Variants in LZTS1 observed in about 807,000 individuals in gnomAD.
LZTS1 encodes leucine zipper tumor suppressor 1.
LZTS1 carries 31 observed loss-of-function variants against 45.8 expected under a neutral mutation model. The observed-to-expected ratio is 0.68, with a 90% CI of 0.51 to 0.91. The LOEUF is 0.91. Among genes scored for constraint, LZTS1 ranks in the 40% least tolerant of loss-of-function variants. LZTS1 has a pLI of 0.00. For missense variants in LZTS1, 821 were observed against 788.9 expected (o/e 1.04, Z -0.49); for synonymous variants, 359 against 357.3 (o/e 1.00, Z -0.05).
intron 1 of LZTS1, among the ~76,000 whole-genome samples, chr8:20,260,236 GATTTTTAATT>G (rs1800198078): frequency 6.6e-6 from 1 of 152,092 alleles, no homozygotes; most frequent in Non-Finnish European, 1.5e-5. Flanking sequence ...TTGACTGATT[GATTTTTAATT>G]GAGACAGAGT....
chr8:20,302,570 G>A (rs1288909269), intron 1 of LZTS1, among the ~76,000 whole-genome samples: 1 of 152,154 alleles, frequency 6.6e-6, no homozygotes, highest in African/African-American at 2.4e-5. Context: ...CTGGGCTCCT[G>A]GGCTCCCAGC....
chr8:20,274,639 A>G lies in LZTS1; in HGVS notation c.-134-19324T>C, dbSNP rs578224735. On this transcript the variant is annotated intron_variant, in intron 1 of 3. Transcript: ENST00000381569. ...CCAATGGGGCGTAAGTGCGTGTACC[A>G]GCGTCAACACTCCCTTGGTGTCGAG... Among the ~76,000 whole-genome samples the G allele has an allele frequency of 1.2e-4, 18 of 152,294 alleles. No homozygotes were observed. The South Asian group carries it at 3.7e-3, about 32-fold the overall frequency.
intron 2 of LZTS1, among the ~76,000 whole-genome samples, chr8:20,253,870 T>C (rs544081819): frequency 3.3e-4 from 50 of 152,256 alleles, no homozygotes; most frequent in African/African-American, 1.2e-3. Context: ...AAATACCATC[T>C]TGAGGCTCCT....
intron 1 of LZTS1, among the ~76,000 whole-genome samples, chr8:20,275,458 C>G (rs1206359872): frequency 1.3e-5 from 2 of 151,556 alleles, no homozygotes; most frequent in Admixed American, 1.3e-4. Flanking sequence ...AGCCTTACTT[C>G]CCCCACCCGG....
At chr8:20,295,250 G>A (rs1020752590) in intron 1 of LZTS1, among the ~76,000 whole-genome samples, 3 of 152,224 alleles carry the variant, frequency 2.0e-5, no homozygotes, top group African/African-American at 7.2e-5. Context: ...GAGCCCATGT[G>A]CCAGGTGGAG....
intron 1 of LZTS1, among the ~76,000 whole-genome samples, chr8:20,269,223 C>G (rs1473174604): frequency 2.0e-5 from 3 of 152,172 alleles, no homozygotes; most frequent in African/African-American, 7.2e-5. Flanking sequence ...ACCCCAGGGC[C>G]CAAGTGAGCC....
intron 1 of LZTS1, among the ~76,000 whole-genome samples, chr8:20,295,001 G>T (rs1211404656): frequency 6.6e-6 from 1 of 151,958 alleles, no homozygotes; most frequent in Non-Finnish European, 1.5e-5. Context: ...GAGGCAAGGA[G>T]CCTGGGTTGG....
rs1033536221 is a variant in LZTS1, at chr8:20,252,724, G to C, written c.1149+58C>G. On this transcript the variant is annotated intron_variant, in intron 3 of 3. Transcript: ENST00000381569. ...CTATTGGCCGGCACCAGAAGGAGAGGGGGGTACTGGCGCCAAACCGCTGAC... is the reference window on the plus strand; with the variant it reads ...CTATTGGCCGGCACCAGAAGGAGAGCGGGGTACTGGCGCCAAACCGCTGAC... 4 of 1,426,644 alleles carry C rather than the reference G, an allele frequency of 2.8e-6. No individual in the cohort carries two copies. In the Admixed American group the frequency reaches 7.0e-5, roughly 25 times the overall value. The allele number at this position is 1,426,644 out of a possible 1,614,324, so 88.4% of individuals were successfully genotyped here.
chr8:20,281,548 G>T (rs993278787), intron 1 of LZTS1, among the ~76,000 whole-genome samples: 6 of 152,184 alleles, frequency 3.9e-5, no homozygotes, highest in Admixed American at 3.9e-4. Flanking sequence ...TCCAGCCTGG[G>T]CAACAAGAGT....
chr8:20,282,961 G>T (rs552742777), intron 1 of LZTS1, among the ~76,000 whole-genome samples: 2 of 152,130 alleles, frequency 1.3e-5, no homozygotes, highest in Non-Finnish European at 2.9e-5. Flanking sequence ...TCTTTGAATA[G>T]AATAGAATAA....
intron 1 of LZTS1, among the ~76,000 whole-genome samples, chr8:20,265,097 C>T (rs538617902): frequency 6.6e-6 from 1 of 152,274 alleles, no homozygotes; most frequent in East Asian, 1.9e-4. Flanking sequence ...GGTCGGGGAG[C>T]AAGCTGTCTG....
At chr8:20,266,030 T>A (rs1451274288) in intron 1 of LZTS1, among the ~76,000 whole-genome samples, 1 of 152,118 alleles carries the variant, frequency 6.6e-6, no homozygotes, top group Non-Finnish European at 1.5e-5. Context: ...AACAATTTTT[T>A]TTTTTTTTTG....
At chr8:20,294,413 G>A (rs1027601149) in intron 1 of LZTS1, among the ~76,000 whole-genome samples, 10 of 152,222 alleles carry the variant, frequency 6.6e-5, no homozygotes, top group African/African-American at 2.4e-4. Flanking sequence ...CTGCGGGCCT[G>A]GCAAGGGGAG....
At position 20,303,782 on chromosome 8, in the gene LZTS1, C is replaced by G. The variant is rs1213931774; in HGVS notation, c.-177G>C. The G allele has an allele frequency of 1.0e-6, 1 of 984,580 alleles. No individual in the cohort carries two copies. Among genetic ancestry groups the G allele is most frequent in the Non-Finnish European group, 1.2e-6 (1 of 829,798 alleles). 61.0% of individuals were successfully genotyped at this position (984,580 alleles called of 1,614,324 possible). A position where few individuals can be genotyped will look rare whatever the true frequency, so the allele number is the denominator to read the frequency against. On this transcript the variant is annotated 5_prime_UTR_variant, in exon 1 of 4. Coordinates refer to ENST00000381569, the MANE Select transcript of LZTS1 (RefSeq NM_021020.5). ...GGCGCACTTGAGACTTTTTTTTTTT[C>G]CCAGTGTTTCCCGGTGTGTTCCCGT...
chr8:20,280,821 C>A (rs1052356862), intron 1 of LZTS1, among the ~76,000 whole-genome samples: 4 of 152,166 alleles, frequency 2.6e-5, no homozygotes, highest in African/African-American at 7.2e-5. Context: ...GCACTCCCTA[C>A]CTTCCACCTG....
chr8:20,273,424 C>A (rs1226997235), intron 1 of LZTS1, among the ~76,000 whole-genome samples: 1 of 152,204 alleles, frequency 6.6e-6, no homozygotes, highest in Non-Finnish European at 1.5e-5. Flanking sequence ...CCTAAACATC[C>A]AACTGCGCTT....
At chr8:20,284,933 A>C (rs1434305041) in intron 1 of LZTS1, among the ~76,000 whole-genome samples, 1 of 152,154 alleles carries the variant, frequency 6.6e-6, no homozygotes, top group Non-Finnish European at 1.5e-5. Context: ...TGAAATGAAA[A>C]GGCTGTGATC....
At chr8:20,282,692 A>G (rs542977458) in intron 1 of LZTS1, among the ~76,000 whole-genome samples, 111 of 152,182 alleles carry the variant, frequency 7.3e-4, no homozygotes, top group Non-Finnish European at 1.2e-3. Context: ...CCTGGCCCCT[A>G]CATTCTATGT....
intron 1 of LZTS1, among the ~76,000 whole-genome samples, chr8:20,268,726 A>G (rs2128895642): frequency 1.3e-5 from 2 of 151,438 alleles, no homozygotes; most frequent in East Asian, 3.9e-4. Context: ...AACGTGGGCA[A>G]CATGAGGAGG....
Sources: gnomAD v4.1 joint callset for allele counts (sites outside exome capture counted in the v4.1 genomes callset) on GRCh38, gnomAD v4.1.1 for gene constraint, MANE v1.5 for transcripts, NCBI Gene and HGNC (gene_info 2026-07-23, HGNC 2026-07-21) for gene names.